KCNT2: variants seen among roughly 807,000 people sequenced by gnomAD.
KCNT2 encodes the protein potassium sodium-activated channel subfamily T member 2, also known as potassium channel subfamily T member 2.
In KCNT2, 67 loss-of-function variants were observed where a neutral mutation model predicts 153.8. The ratio of observed to expected loss-of-function variants is 0.44; its 90% CI spans 0.36 to 0.53. The LOEUF (loss-of-function observed/expected upper bound fraction) is 0.53. KCNT2 is among the 20% of genes least tolerant of loss of function. KCNT2 has a pLI of 0.00. For synonymous variants in KCNT2, 500 were observed against 458.8 expected (o/e 1.09, Z -1.15); for missense variants, 975 against 1,354.8 (o/e 0.72, Z 4.40).
chr1:196,495,862 A>G (rs1326644107), intron 1 of KCNT2, among the ~76,000 whole-genome samples: 5 of 152,188 alleles, frequency 3.3e-5, no homozygotes, highest in Non-Finnish European at 4.4e-5. Context: ...CTATTGAAAT[A>G]TGTTCTTGCT....
chr1:196,520,986 T>C (rs1272382675), intron 1 of KCNT2, among the ~76,000 whole-genome samples: 5 of 151,922 alleles, frequency 3.3e-5, no homozygotes, highest in African/African-American at 7.3e-5. Context: ...CTCAGCAAAA[T>C]AAACTATCAA....
intron 26 of KCNT2, among the ~76,000 whole-genome samples, chr1:196,246,682 T>C (rs970427144): frequency 6.6e-6 from 1 of 152,110 alleles, no homozygotes; most frequent in Non-Finnish European, 1.5e-5. Context: ...TGTTTGTTTA[T>C]GCAATCAGTG....
In KCNT2 at chr1:196,455,872, T is replaced by TGACCCTG. The variant is rs1572515834; in HGVS notation, c.638+9420_638+9421insCAGGGTC. 3.9e-5 allele frequency among the ~76,000 whole-genome samples: 6 copies of TGACCCTG among 152,142 alleles called. No individual in the cohort carries two copies. The East Asian group carries it at 1.2e-3, about 30-fold the overall frequency. ...AAACCTTTCTGACCCTGTTCTCAAATTTCCCACTTTCAGTAGATGGAGAGG... is the reference window on the plus strand; with the variant it reads ...AAACCTTTCTGACCCTGTTCTCAAATGACCCTGTTCCCACTTTCAGTAGATGGAGAGG... On this transcript the variant is annotated intron_variant, in intron 8 of 27. Transcript: ENST00000294725.
At chr1:196,466,581 C>T (rs952351159) in intron 7 of KCNT2, among the ~76,000 whole-genome samples, 1 of 151,992 alleles carries the variant, frequency 6.6e-6, no homozygotes, top group African/African-American at 2.4e-5. Flanking sequence ...TGAGCCCTTA[C>T]TTTGTTGTGC....
chr1:196,475,271 GGTGCA>G (rs1678430257), intron 5 of KCNT2, among the ~76,000 whole-genome samples: 1 of 152,044 alleles, frequency 6.6e-6, no homozygotes, highest in Non-Finnish European at 1.5e-5. Flanking sequence ...AACAATTGCT[GGTGCA>G]ATACAATATC....
chr1:196,234,419 C>T (rs983211758), intron 27 of KCNT2, among the ~76,000 whole-genome samples: 8 of 151,110 alleles, frequency 5.3e-5, no homozygotes, highest in Non-Finnish European at 8.9e-5. Flanking sequence ...ATTCCCAAAT[C>T]AATAATCAAG....
intron 22 of KCNT2, among the ~76,000 whole-genome samples, chr1:196,300,361 G>T (rs1661070007): frequency 6.6e-6 from 1 of 152,128 alleles, no homozygotes; most frequent in Non-Finnish European, 1.5e-5. Flanking sequence ...TGGGATTCAG[G>T]ACATGCTACT....
intron 13 of KCNT2, among the ~76,000 whole-genome samples, chr1:196,395,892 A>G (rs550257604): frequency 3.3e-5 from 5 of 151,810 alleles, no homozygotes; most frequent in Admixed American, 6.6e-5. Context: ...GAATATTGGA[A>G]TCTACATATT....
chr1:196,310,580 A>G (rs1662068112), intron 21 of KCNT2, among the ~76,000 whole-genome samples: 2 of 151,874 alleles, frequency 1.3e-5, no homozygotes, highest in African/African-American at 4.8e-5. Context: ...TTATTTAGAA[A>G]TCTGTCATTT....
At chr1:196,411,893 T>C (rs1419612525) in intron 12 of KCNT2, among the ~76,000 whole-genome samples, 2 of 151,812 alleles carry the variant, frequency 1.3e-5, no homozygotes, top group Non-Finnish European at 2.9e-5. Flanking sequence ...TATGCTCCTA[T>C]GGAAAATTTT....
intron 1 of KCNT2, among the ~76,000 whole-genome samples, chr1:196,578,903 A>C (rs1475150980): frequency 6.6e-6 from 1 of 152,118 alleles, no homozygotes; most frequent in Non-Finnish European, 1.5e-5. Context: ...TAAAGACTTT[A>C]TTTTTTAGAC....
intron 5 of KCNT2, among the ~76,000 whole-genome samples, chr1:196,474,104 G>T (rs1353876281): frequency 6.6e-6 from 1 of 151,770 alleles, no homozygotes; most frequent in East Asian, 1.9e-4. Context: ...CATTTAGCAC[G>T]GACACATCAT....
rs1224171030 is a variant in KCNT2 at position 196,531,202 on chromosome 1, A to G, written c.96-38861T>C. Among the ~76,000 whole-genome samples the G allele has an allele frequency of 3.3e-5, 5 of 152,240 alleles. No homozygotes were observed. The South Asian group carries it at 6.2e-4, about 19-fold the overall frequency. ...CTTTGGAGACATTTTCTTCAACTCA[A>G]CTGAGCTAGACCCATCCATGTCTTC... On this transcript the variant is annotated intron_variant, in intron 1 of 27. Transcript: ENST00000294725.
intron 6 of KCNT2, 47 bp from the exon 7 acceptor site, chr1:196,467,833 A>G: frequency 8.5e-7 from 1 of 1,178,880 alleles, no homozygotes; most frequent in Non-Finnish European, 1.3e-6. Flanking sequence ...TCAAAGCAAT[A>G]AACCATACCC....
chr1:196,412,226 C>G lies in KCNT2; in HGVS notation c.1185+10824G>C, dbSNP rs1672397162. ...TTTAATAATTTTCACTAACATTGTA[C>G]ACATTTATTTAATGTCAATTCTTAC... On this transcript the variant is annotated intron_variant, in intron 12 of 27. Coordinates refer to ENST00000294725, the MANE Select transcript of KCNT2 (RefSeq NM_198503.5). Among the ~76,000 whole-genome samples, 3 of 151,674 alleles carry G rather than the reference C, an allele frequency of 2.0e-5. No homozygotes were observed. In the Admixed American group the frequency reaches 2.0e-4, roughly 10 times the overall value.
At chr1:196,584,628 A>C (rs985226552) in intron 1 of KCNT2, among the ~76,000 whole-genome samples, 1 of 152,130 alleles carries the variant, frequency 6.6e-6, no homozygotes, top group Non-Finnish European at 1.5e-5. Context: ...ATATTTTCAG[A>C]AAAGTATATT....
At chr1:196,474,685 T>C (rs554802236) in intron 5 of KCNT2, among the ~76,000 whole-genome samples, 1 of 152,326 alleles carries the variant, frequency 6.6e-6, no homozygotes, top group African/African-American at 2.4e-5. Context: ...GAGTTTGTTT[T>C]TGTTTCCTTT....
chr1:196,410,730 T>G (rs1052561281), intron 12 of KCNT2, among the ~76,000 whole-genome samples: 4 of 150,032 alleles, frequency 2.7e-5, no homozygotes, highest in Non-Finnish European at 4.4e-5. Flanking sequence ...AAAAAACTTG[T>G]CTATTTCTTA....
intron 2 of KCNT2, among the ~76,000 whole-genome samples, chr1:196,491,384 C>T (rs1311957142): frequency 6.6e-6 from 1 of 151,936 alleles, no homozygotes; most frequent in African/African-American, 2.4e-5. Flanking sequence ...AGTATTTGGA[C>T]AACTTCCCAC....
Sources: gnomAD v4.1 joint callset for allele counts (sites outside exome capture counted in the v4.1 genomes callset) on GRCh38, gnomAD v4.1.1 for gene constraint, MANE v1.5 for transcripts, NCBI Gene and HGNC (gene_info 2026-07-23, HGNC 2026-07-21) for gene names.